FUT8: variants seen among roughly 807,000 people sequenced by gnomAD.
The protein encoded by FUT8 is alpha-(1,6)-fucosyltransferase.
A neutral mutation model predicts 71.3 loss-of-function variants in FUT8; 29 were observed. The ratio of observed to expected loss-of-function variants is 0.41; its 90% confidence interval spans 0.30 to 0.55. The LOEUF is 0.55. FUT8 is among the 20% of genes least tolerant of loss of function. The pLI, the probability that FUT8 is intolerant of heterozygous loss-of-function variation, is 0.34. For synonymous variants in FUT8, 254 were observed against 239.3 expected, an observed-to-expected ratio of 1.06 and a Z score of -0.57; for missense variants, 544 against 702.1, an observed-to-expected ratio of 0.77 and a Z score of 2.55.
At chr14:65,675,124 A>C (rs1892652862) in intron 7 of FUT8, among the ~76,000 whole-genome samples, 1 of 152,220 alleles carries the variant, frequency 6.6e-6, no homozygotes, top group African/African-American at 2.4e-5. Flanking sequence ...TTCCCACTTA[A>C]GGAGATAGAA....
chr14:65,622,245 CT>C (rs1308334755), intron 5 of FUT8, among the ~76,000 whole-genome samples: 2 of 152,132 alleles, frequency 1.3e-5, no homozygotes, highest in Non-Finnish European at 2.9e-5. Context: ...AAATACTTAG[CT>C]TTTCTGAGCT....
chr14:65,551,142 C>G (rs1316525035), intron 2 of FUT8, among the ~76,000 whole-genome samples: 1 of 152,164 alleles, frequency 6.6e-6, no homozygotes, highest in Non-Finnish European at 1.5e-5. Context: ...GCTCATAGCA[C>G]AACAGGCCAG....
chr14:65,441,401 C>G (rs184585056), intron 1 of FUT8, among the ~76,000 whole-genome samples: 1 of 152,090 alleles, frequency 6.6e-6, no homozygotes, highest in Non-Finnish European at 1.5e-5. Context: ...ACCAAGCTTT[C>G]GTTCACAGTG....
chr14:65,644,483 C>G (rs565159468), intron 6 of FUT8, among the ~76,000 whole-genome samples: 26 of 152,044 alleles, frequency 1.7e-4, no homozygotes, highest in Non-Finnish European at 3.2e-4. Context: ...CCTCAGCCTC[C>G]CGAGTGGCTG....
At chr14:65,540,561 G>A (rs954607907) in intron 2 of FUT8, among the ~76,000 whole-genome samples, 9 of 152,308 alleles carry the variant, frequency 5.9e-5, no homozygotes, top group Middle Eastern at 3.4e-3. Flanking sequence ...AGGACTTTGT[G>A]CAACCATCAT....
chr14:65,650,714 AAAAAAAAAAAAAAAAC>A (rs1368368497), intron 6 of FUT8, among the ~76,000 whole-genome samples: 3 of 149,924 alleles, frequency 2.0e-5, no homozygotes, highest in African/African-American at 7.3e-5. Flanking sequence ...TTACAAAAAA[AAAAAAAAAAAAAAAAC>A]AAAAAAAACC....
intron 5 of FUT8, among the ~76,000 whole-genome samples, chr14:65,623,145 C>T (rs2140245416): frequency 6.6e-6 from 1 of 152,272 alleles, no homozygotes; most frequent in South Asian, 2.1e-4. Context: ...TCTGCCTTAG[C>T]TTCCCAAAAT....
chr14:65,385,150 C>T, the FUT8 span, among the ~76,000 whole-genome samples: 8 of 152,060 alleles, frequency 5.3e-5, 1 homozygote, highest in East Asian at 1.9e-4. Context: ...GCACCTGCCT[C>T]GGTCTCCCAA....
At position 65,722,552 on chromosome 14, in the gene FUT8, A is replaced by C. The variant is rs188438759; in HGVS notation, c.1082+531A>C. On this transcript the variant is annotated intron_variant, in intron 8 of 10. Coordinates refer to ENST00000673929, the MANE Select transcript of FUT8 (RefSeq NM_001371533.1). ...AGTTATTGACCCCATTCTAAGTGTT[A>C]GACGTAAAGAAGGTACATGTGAAGT... Among the ~76,000 whole-genome samples the C allele has an allele frequency of 4.6e-3, 702 of 152,334 alleles. 3 individuals are homozygous for C. Among genetic ancestry groups the C allele is most frequent in the Non-Finnish European group, 6.6e-3 (449 of 68,026 alleles).
At chr14:65,540,582 C>T (rs751175919) in intron 2 of FUT8, among the ~76,000 whole-genome samples, 4 of 152,314 alleles carry the variant, frequency 2.6e-5, no homozygotes, top group Non-Finnish European at 4.4e-5. Context: ...CTCTACTTCA[C>T]CTATCTCCAG....
chr14:65,716,997 G>GAA (rs1895110578), intron 7 of FUT8, among the ~76,000 whole-genome samples: 1 of 145,632 alleles, frequency 6.9e-6, no homozygotes, highest in Non-Finnish European at 1.5e-5. Context: ...CTTCCCAGAC[G>GAA]GGGTGGCCGG....
chr14:65,520,877 G>C (rs1023507246), intron 2 of FUT8, among the ~76,000 whole-genome samples: 1 of 152,020 alleles, frequency 6.6e-6, no homozygotes, highest in African/African-American at 2.4e-5. Context: ...TTACCTATGA[G>C]ATCTCCAGAA....
At chr14:65,530,813 TTC>T (rs137867790) in intron 2 of FUT8, among the ~76,000 whole-genome samples, 110 of 142,376 alleles carry the variant, frequency 7.7e-4, no homozygotes, top group African/African-American at 2.4e-3. Context: ...CTCTCGCTCT[TTC>T]TCTCTCTCTC....
chr14:65,625,064 CATAAATAAATAA>C (rs145476463), intron 5 of FUT8, among the ~76,000 whole-genome samples: 10 of 146,418 alleles, frequency 6.8e-5, no homozygotes, highest in Non-Finnish European at 1.4e-4. Context: ...GAAACTCTGT[CATAAATAAATAA>C]ATAAATAAAT....
intron 6 of FUT8, among the ~76,000 whole-genome samples, chr14:65,632,086 C>T (rs984688015): frequency 6.6e-6 from 1 of 152,198 alleles, no homozygotes; most frequent in Non-Finnish European, 1.5e-5. Flanking sequence ...TACATATACA[C>T]ATACATATAC....
intron 1 of FUT8, among the ~76,000 whole-genome samples, chr14:65,419,436 T>C (rs1595348763): frequency 6.6e-6 from 1 of 152,332 alleles, no homozygotes; most frequent in Non-Finnish European, 1.5e-5. Flanking sequence ...ACAGTTACTG[T>C]GAGAAGTTCA....
At chr14:65,381,910 G>A in the FUT8 span, among the ~76,000 whole-genome samples, 2 of 151,960 alleles carry the variant, frequency 1.3e-5, no homozygotes, top group Non-Finnish European at 2.9e-5. Flanking sequence ...CCTATTGCAC[G>A]AAACTTCTTG....
intron 2 of FUT8, among the ~76,000 whole-genome samples, chr14:65,474,547 C>A (rs964720388): frequency 6.6e-6 from 1 of 150,426 alleles, no homozygotes; most frequent in Non-Finnish European, 1.5e-5. Context: ...TGCAGTGAGC[C>A]GAGATTGTGC....
Position 65,609,310 on chromosome 14 carries a change from A to T in FUT8, c.204-6668A>T, listed in dbSNP as rs999560910. Among the ~76,000 whole-genome samples the T allele has an allele frequency of 2.7e-3, 400 of 149,640 alleles. 3 individuals are homozygous for T. The highest frequency in any genetic ancestry group is 7.8e-3 in the African/African-American group (320 of 40,982). ...ACTCTGTCTCAAAAAAAAAAAAAAAATTTTTCCTCTAGTCTGTGGGTTATC... is the reference window on the plus strand; with the variant it reads ...ACTCTGTCTCAAAAAAAAAAAAAAATTTTTTCCTCTAGTCTGTGGGTTATC... On this transcript the variant is annotated intron_variant, in intron 3 of 10. Transcript: ENST00000673929.
Sources: gnomAD v4.1 joint callset for allele counts (sites outside exome capture counted in the v4.1 genomes callset) on GRCh38, gnomAD v4.1.1 for gene constraint, MANE v1.5 for transcripts, NCBI Gene and HGNC (gene_info 2026-07-23, HGNC 2026-07-21) for gene names.